UBR7: variants seen among roughly 807,000 people sequenced by gnomAD.
UBR7 encodes the protein ubiquitin protein ligase E3 component n-recognin 7.
A neutral mutation model predicts 57.0 loss-of-function variants in UBR7; 22 were observed. That is an observed-to-expected ratio of 0.39 (90% CI 0.28 to 0.55). The LOEUF (loss-of-function observed/expected upper bound fraction) is 0.55. Ranked by LOEUF, UBR7 falls within the 20% of genes least tolerant of loss-of-function variation. UBR7 has a pLI of 0.69. For missense variants in UBR7, 395 were observed against 513.2 expected, an observed-to-expected ratio of 0.77 and a Z score of 2.23; for synonymous variants, 167 against 179.8, an observed-to-expected ratio of 0.93 and a Z score of 0.57.
At position 93,217,862 on chromosome 14, in the gene UBR7, G is replaced by A. The variant is rs1354126568; in HGVS notation, c.602-665G>A. On this transcript the variant is annotated intron_variant, in intron 6 of 10. Transcript: ENST00000013070. ...TGTAATCCCAGCACTTTGGGAGGCC[G>A]AGGCAGGTGGATCACCTGAGGTCAG... is the stretch of plus-strand genomic sequence containing the variant. Among the ~76,000 whole-genome samples, 9 of 151,970 alleles carry A rather than the reference G, an allele frequency of 5.9e-5. No individual in the cohort carries two copies. The East Asian group carries it at 1.5e-3, about 26-fold the overall frequency.
chr14:93,217,719 G>A (rs1038010149), intron 6 of UBR7, among the ~76,000 whole-genome samples: 5 of 152,186 alleles, frequency 3.3e-5, no homozygotes, highest in Admixed American at 2.0e-4. Flanking sequence ...CTAAAGAAGC[G>A]TTGGAATTTT....
intron 6 of UBR7, among the ~76,000 whole-genome samples, chr14:93,217,762 A>G (rs1419982173): frequency 6.6e-6 from 1 of 152,228 alleles, no homozygotes; most frequent in Non-Finnish European, 1.5e-5. Context: ...ACGGTGGACT[A>G]ATCTCTTTTT....
In UBR7 at chr14:93,228,423, T is replaced by C. The variant is rs1566826587; in HGVS notation, c.*1388T>C. The stretch of plus-strand genomic sequence containing the variant: ...CATTTCAGGCTGTGGGGCCACCATG[T>C]ATATTAATACTCCTTATGTGTCCAG... On this transcript the variant is annotated 3_prime_UTR_variant, in exon 11 of 11. Coordinates refer to ENST00000013070, the MANE Select transcript of UBR7 (RefSeq NM_175748.4). The C allele has an allele frequency of 2.2e-6, 1 of 454,230 alleles. No homozygotes were observed. The highest frequency in any genetic ancestry group is 1.6e-5 in the South Asian group (1 of 64,476). 28.1% of individuals were successfully genotyped at this position (454,230 alleles called of 1,614,324 possible).
In UBR7 at chr14:93,215,229, G is replaced by T; in HGVS notation, c.549G>T (p.Gln183His). ...GGGATTTTCAGGAGATGGTATGCCAGGCCTGCATGAAACGTTGTTCTTTTT... is the reference window on the plus strand; with the variant it reads ...GGGATTTTCAGGAGATGGTATGCCATGCCTGCATGAAACGTTGTTCTTTTT... ...ESGDFQEMVC[Q>H]ACMKRCSFLW... is the part of the protein sequence containing the mutation. The change falls in exon 6 of 11, where the codon CAG becomes CAT. Residue 183 changes from glutamine to histidine, a missense_variant. Transcript: ENST00000013070. The T allele has an allele frequency of 6.3e-7, 1 of 1,591,474 alleles. No homozygotes were observed. Among genetic ancestry groups the T allele is most frequent in the Non-Finnish European group, 8.6e-7 (1 of 1,168,340 alleles).
chr14:93,210,085 A>ATTTATTTATTTATTTATTTC, intron 2 of UBR7, 128 bp downstream of exon 2: 1 of 607,996 alleles, frequency 1.6e-6, no homozygotes, highest in Non-Finnish European at 2.4e-6. Flanking sequence ...TAATTAATTT[A>ATTTATTTATTTATTTATTTC]TTTATTTATT....
chr14:93,218,846 C>A, intron 7 of UBR7, 111 bp downstream of exon 7: 2 of 1,150,766 alleles, frequency 1.7e-6, no homozygotes, highest in Non-Finnish European at 2.5e-6. Flanking sequence ...CCTGAGGTCA[C>A]GGGTTTGAGA....
At chr14:93,220,511 A>G (rs1468132773) in intron 9 of UBR7, 100 bp downstream of exon 9, 1 of 1,438,304 alleles carries the variant, frequency 7.0e-7, no homozygotes, top group African/African-American at 1.4e-5. Flanking sequence ...AATACAAAGA[A>G]TTAAAATTTT....
In UBR7 at chr14:93,228,396, A is replaced by G; in HGVS notation, c.*1361A>G. On this transcript the variant is annotated 3_prime_UTR_variant, in exon 11 of 11. Coordinates refer to ENST00000013070, the MANE Select transcript of UBR7 (RefSeq NM_175748.4). ...ACACACCTTGATGTATGTTAATAAA[A>G]GCATTTCAGGCTGTGGGGCCACCAT... is the stretch of plus-strand genomic sequence containing the variant. The G allele has an allele frequency of 4.4e-6, 2 of 454,402 alleles. No individual in the cohort carries two copies. The highest frequency in any genetic ancestry group is 8.8e-6 in the Non-Finnish European group (2 of 226,864). The allele number at this position is 454,402 out of a possible 1,614,324, so 28.1% of individuals were successfully genotyped here.
In UBR7 at chr14:93,228,306, A is replaced by T; in HGVS notation, c.*1271A>T. ...CAGTCTATGTAGGAAATGCCTTGTG[A>T]TACATAGAGAACCCTCAGCTTCTCT... On this transcript the variant is annotated 3_prime_UTR_variant, in exon 11 of 11. Transcript: ENST00000013070. 2.2e-6 allele frequency: 1 copy of T among 456,434 alleles called. No individual in the cohort carries two copies. Among genetic ancestry groups the T allele is most frequent in the South Asian group, 1.6e-5 (1 of 64,488 alleles). The allele number at this position is 456,434 out of a possible 1,614,324, so 28.3% of individuals were successfully genotyped here. A position where few individuals can be genotyped will look rare whatever the true frequency, so the allele number is the denominator to read the frequency against.
intron 1 of UBR7, among the ~76,000 whole-genome samples, chr14:93,208,469 A>G (rs1386352114): frequency 6.6e-6 from 1 of 151,930 alleles, no homozygotes; most frequent in East Asian, 1.9e-4. Context: ...TTTACTTAAA[A>G]AAAAAAAAAA....
chr14:93,218,420 A>AT (rs1210137592), intron 6 of UBR7, 107 bp from the exon 7 acceptor site: 139 of 1,036,270 alleles, frequency 1.3e-4, no homozygotes, highest in Non-Finnish European at 1.9e-4. Flanking sequence ...GTAAAAAAAA[A>AT]AAATAATAAT....
chr14:93,210,472 T>C (rs1894459413), intron 2 of UBR7, among the ~76,000 whole-genome samples, 176 bp from the exon 3 acceptor site: 1 of 152,240 alleles, frequency 6.6e-6, no homozygotes, highest in African/African-American at 2.4e-5. Flanking sequence ...ACTCAAACCA[T>C]TTATCTTTCC....
intron 10 of UBR7, 80 bp from the exon 11 acceptor site, chr14:93,226,863 A>T: frequency 1.1e-6 from 1 of 913,568 alleles, no homozygotes; most frequent in Non-Finnish European, 1.8e-6. Flanking sequence ...GTATCATTTG[A>T]CTTGTTTGTG....
At chr14:93,211,651 C>G (rs1420705299) in intron 3 of UBR7, among the ~76,000 whole-genome samples, 1 of 152,060 alleles carries the variant, frequency 6.6e-6, no homozygotes, top group East Asian at 1.9e-4. Flanking sequence ...GGCTTGAACC[C>G]AGACCAGCCT....
chr14:93,219,062 A>G lies in UBR7; in HGVS notation c.811-150A>G. On this transcript the variant is annotated intron_variant, in intron 7 of 10. Transcript: ENST00000013070. Reference sequence around the variant, plus strand: ...AGAATGAGATTCCGTCTCAAAAAAAAAAAAGAAAACTGAAGTGGAATTAAT... The same window carrying G: ...AGAATGAGATTCCGTCTCAAAAAAAGAAAAGAAAACTGAAGTGGAATTAAT... 2.9e-6 allele frequency: 3 copies of G among 1,044,818 alleles called. No homozygotes were observed. The South Asian group carries it at 4.7e-5, about 16-fold the overall frequency. 64.7% of individuals were successfully genotyped at this position (1,044,818 alleles called of 1,614,324 possible).
intron 6 of UBR7, among the ~76,000 whole-genome samples, chr14:93,217,986 CAG>C (rs1445351696): frequency 2.0e-5 from 3 of 151,442 alleles, no homozygotes; most frequent in Admixed American, 6.6e-5. Context: ...CCCAGCTACT[CAG>C]GGGGCTGAGG....
intron 4 of UBR7, among the ~76,000 whole-genome samples, chr14:93,212,400 C>T (rs1382100335): frequency 6.6e-6 from 1 of 152,186 alleles, no homozygotes; most frequent in Non-Finnish European, 1.5e-5. Flanking sequence ...ACTGCCTCCC[C>T]CAGTCCCCAA....
chr14:93,207,439 CAGGT>C lies in UBR7; in HGVS notation c.149_150+2del. 1 of 1,548,626 alleles carries C rather than the reference CAGGT, an allele frequency of 6.5e-7. No individual in the cohort carries two copies. The highest frequency in any genetic ancestry group is 8.7e-7 in the Non-Finnish European group (1 of 1,149,232). ...CGACTCCGAGAAGTGCTCCTACTCT[CAGGT>C]GGGCGCGCGGCCCGGGCCTCCTCTC... is the stretch of plus-strand genomic sequence containing the variant. On this transcript the variant is annotated splice_donor_variant and coding_sequence_variant, in exon 1 of 11. Transcript: ENST00000013070. LOFTEE classifies it high-confidence loss of function.
At position 93,221,166 on chromosome 14, in the gene UBR7, A is replaced by G. The variant is rs1595269465; in HGVS notation, c.1123+755A>G. 4.0e-5 allele frequency among the ~76,000 whole-genome samples: 6 copies of G among 149,656 alleles called. 1 individual carries two copies. Among genetic ancestry groups the G allele is most frequent in the African/African-American group, 1.5e-4 (6 of 40,536 alleles). On this transcript the variant is annotated intron_variant, in intron 9 of 10. Coordinates refer to ENST00000013070, the MANE Select transcript of UBR7 (RefSeq NM_175748.4). ...CACTCTGTCACCCAGGCTGGAGTGC[A>G]GTGGCGCGATCTCGGCTCACTGCAA...
Sources: gnomAD v4.1 joint callset for allele counts (sites outside exome capture counted in the v4.1 genomes callset) on GRCh38, gnomAD v4.1.1 for gene constraint, MANE v1.5 for transcripts, NCBI Gene and HGNC (gene_info 2026-07-23, HGNC 2026-07-21) for gene names.